LRRC4C: variants seen among roughly 807,000 people sequenced by gnomAD.
LRRC4C encodes the protein leucine-rich repeat-containing protein 4C.
A neutral mutation model predicts 33.6 loss-of-function variants in LRRC4C; 5 were observed. The ratio of observed to expected loss-of-function variants is 0.15; its 90% CI spans 0.08 to 0.31. LRRC4C has a LOEUF of 0.31. Among genes scored for constraint, LRRC4C ranks in the 10% least tolerant of loss-of-function variants. LRRC4C has a pLI of 1.00. For synonymous variants in LRRC4C, 329 were observed against 302.0 expected, an observed-to-expected ratio of 1.09 and a Z score of -0.93; for missense variants, 560 against 796.7, an observed-to-expected ratio of 0.70 and a Z score of 3.58.
chr11:41,445,536 G>A (rs1294862167), intron 1 of LRRC4C, among the ~76,000 whole-genome samples: 2 of 152,172 alleles, frequency 1.3e-5, no homozygotes, highest in Admixed American at 6.5e-5. Context: ...TGAGGCTGGC[G>A]TCACAGTCTT....
intron 2 of LRRC4C, among the ~76,000 whole-genome samples, chr11:40,910,146 T>C (rs1227155211): frequency 6.6e-6 from 1 of 152,174 alleles, no homozygotes; most frequent in Non-Finnish European, 1.5e-5. Flanking sequence ...GAAAAGACTC[T>C]CATGCATAGA....
intron 1 of LRRC4C, among the ~76,000 whole-genome samples, chr11:40,995,129 G>C (rs1343748740): frequency 6.6e-6 from 1 of 151,904 alleles, no homozygotes; most frequent in Non-Finnish European, 1.5e-5. Flanking sequence ...TTTTTCTCTT[G>C]ATTGATTGTC....
At chr11:40,124,469 C>T (rs1590433843) in intron 6 of LRRC4C, among the ~76,000 whole-genome samples, 1 of 152,118 alleles carries the variant, frequency 6.6e-6, no homozygotes, top group Non-Finnish European at 1.5e-5. Flanking sequence ...AAGTTCTATT[C>T]AGCTGTAAAA....
chr11:40,487,364 G>C (rs976165295), intron 3 of LRRC4C, among the ~76,000 whole-genome samples: 50 of 152,138 alleles, frequency 3.3e-4, no homozygotes, highest in African/African-American at 1.2e-3. Flanking sequence ...AATCAAGGTA[G>C]ACCAACTAAT....
chr11:41,378,917 A>G (rs537971542), intron 1 of LRRC4C, among the ~76,000 whole-genome samples: 1 of 151,562 alleles, frequency 6.6e-6, no homozygotes, highest in Non-Finnish European at 1.5e-5. Context: ...GTCAGCGGGA[A>G]GAGTTTTTTT....
At chr11:40,916,343 T>G (rs1297262961) in intron 2 of LRRC4C, among the ~76,000 whole-genome samples, 1 of 152,134 alleles carries the variant, frequency 6.6e-6, no homozygotes, top group Non-Finnish European at 1.5e-5. Context: ...GTGGCACATA[T>G]ACACCATGGA....
intron 5 of LRRC4C, among the ~76,000 whole-genome samples, chr11:40,184,329 A>ATATTATTAATTAATT (rs1160221619): frequency 3.9e-5 from 6 of 152,224 alleles, no homozygotes; most frequent in Non-Finnish European, 7.3e-5. Flanking sequence ...TTGAGATTTC[A>ATATTATTAATTAATT]AATAAGTCTC....
intron 1 of LRRC4C, among the ~76,000 whole-genome samples, chr11:41,364,410 C>G (rs1315876574): frequency 6.6e-6 from 1 of 152,094 alleles, no homozygotes; most frequent in African/African-American, 2.4e-5. Flanking sequence ...TCCCGATTAG[C>G]TAGGATTATA....
intron 2 of LRRC4C, among the ~76,000 whole-genome samples, chr11:40,740,521 T>G (rs1194245896): frequency 6.6e-6 from 1 of 152,086 alleles, no homozygotes; most frequent in Admixed American, 6.6e-5. Context: ...TTGTTTGCAT[T>G]CCTTATATAT....
intron 1 of LRRC4C, among the ~76,000 whole-genome samples, chr11:41,419,390 T>C (rs1954797505): frequency 6.6e-6 from 1 of 151,858 alleles, no homozygotes; most frequent in Non-Finnish European, 1.5e-5. Context: ...TCTCAGGAAT[T>C]TGGACTAAGA....
chr11:40,316,057 C>T (rs770054935), intron 4 of LRRC4C, among the ~76,000 whole-genome samples: 1 of 151,822 alleles, frequency 6.6e-6, no homozygotes, highest in African/African-American at 2.4e-5. Flanking sequence ...TAGCCACTAC[C>T]AATATAGCCA....
chr11:41,279,111 C>T lies in LRRC4C; in HGVS notation c.-496+180320G>A, dbSNP rs144776735. Among the ~76,000 whole-genome samples the T allele has an allele frequency of 4.7e-3, 711 of 152,264 alleles. 5 individuals are homozygous for T. Among genetic ancestry groups the T allele is most frequent in the African/African-American group, 0.016 (682 of 41,546 alleles). ...CACTTAGGATAATGGCTTCTAGCTG[C>T]ATCCATGCTACTGTGAAGTACAAGA... is the stretch of plus-strand genomic sequence containing the variant. On this transcript the variant is annotated intron_variant, in intron 1 of 6. Transcript: ENST00000528697.
At chr11:40,680,663 T>C (rs1263403265) in intron 2 of LRRC4C, among the ~76,000 whole-genome samples, 1 of 152,176 alleles carries the variant, frequency 6.6e-6, no homozygotes, top group Non-Finnish European at 1.5e-5. Context: ...TGCTCCTCCT[T>C]GCTTTCCGCC....
chr11:40,910,254 T>A (rs531040700), intron 2 of LRRC4C, among the ~76,000 whole-genome samples: 1 of 152,190 alleles, frequency 6.6e-6, no homozygotes, highest in East Asian at 1.9e-4. Context: ...AAAAATAACA[T>A]GATTCAATTC....
chr11:40,354,487 G>A (rs1041910897), intron 3 of LRRC4C, among the ~76,000 whole-genome samples: 7 of 152,126 alleles, frequency 4.6e-5, no homozygotes, highest in Admixed American at 1.3e-4. Context: ...GCCTGTACTC[G>A]GGAAACTAAG....
At chr11:40,182,346 G>T (rs1239100069) in intron 5 of LRRC4C, among the ~76,000 whole-genome samples, 2 of 151,930 alleles carry the variant, frequency 1.3e-5, no homozygotes, top group African/African-American at 4.8e-5. Flanking sequence ...TACCACCCTT[G>T]CTTAGCACCA....
intron 2 of LRRC4C, among the ~76,000 whole-genome samples, chr11:40,676,968 A>G (rs1420375724): frequency 6.6e-6 from 1 of 152,204 alleles, no homozygotes; most frequent in Non-Finnish European, 1.5e-5. Flanking sequence ...CAGAGGCAAG[A>G]CAAAGAGCTT....
chr11:40,304,057 C>T (rs148914931), intron 4 of LRRC4C, among the ~76,000 whole-genome samples: 31 of 152,260 alleles, frequency 2.0e-4, no homozygotes, highest in Admixed American at 2.0e-3. Flanking sequence ...CAGTAAAATA[C>T]AACATTGAAA....
At chr11:40,735,527 A>G (rs1383911256) in intron 2 of LRRC4C, among the ~76,000 whole-genome samples, 77 of 147,358 alleles carry the variant, frequency 5.2e-4, no homozygotes, top group African/African-American at 1.8e-3. Context: ...CATGGTGTAT[A>G]TGTGCCACAT....
Sources: gnomAD v4.1 joint callset for allele counts (sites outside exome capture counted in the v4.1 genomes callset) on GRCh38, gnomAD v4.1.1 for gene constraint, MANE v1.5 for transcripts, NCBI Gene and HGNC (gene_info 2026-07-23, HGNC 2026-07-21) for gene names.